STOX2: variants seen among roughly 807,000 people sequenced by gnomAD.
The protein encoded by STOX2 is storkhead box 2.
Under a neutral mutation model 60.9 loss-of-function variants are expected in STOX2, and 28 were observed. The ratio of observed to expected loss-of-function variants is 0.46; its 90% CI spans 0.34 to 0.63. The LOEUF is 0.63. Among genes scored for constraint, STOX2 ranks in the 30% least tolerant of loss-of-function variants. STOX2 has a pLI of 0.01. For missense variants in STOX2, 1,024 were observed against 1,187.7 expected, an observed-to-expected ratio of 0.86 and a Z score of 2.03; for synonymous variants, 472 against 463.9, an observed-to-expected ratio of 1.02 and a Z score of -0.22.
intron 1 of STOX2, among the ~76,000 whole-genome samples, chr4:183,949,229 A>G (rs150498301): frequency 1.6e-4 from 25 of 152,322 alleles, no homozygotes; most frequent in African/African-American, 6.0e-4. Context: ...AATGATCTCA[A>G]GTTGTAAACA....
intron 1 of STOX2, among the ~76,000 whole-genome samples, chr4:183,868,435 G>GA (rs563772840): frequency 9.5e-4 from 144 of 150,992 alleles, no homozygotes; most frequent in Non-Finnish European, 1.4e-3. Flanking sequence ...CTTTAAAAAA[G>GA]AAAAAAAAAT....
intron 1 of STOX2, among the ~76,000 whole-genome samples, chr4:183,887,667 C>T (rs539217823): frequency 1.3e-5 from 2 of 152,324 alleles, no homozygotes; most frequent in East Asian, 1.9e-4. Context: ...TTTTGGACTT[C>T]GCTCAAGGTT....
intron 1 of STOX2, among the ~76,000 whole-genome samples, chr4:183,811,928 ATTTTT>A (rs529589265): frequency 0.018 from 2,376 of 129,664 alleles, 61 homozygotes; most frequent in African/African-American, 0.06. Flanking sequence ...GAAAGCCTGG[ATTTTT>A]TTTTTTTTTT....
At chr4:183,930,521 T>G (rs1038953743) in intron 1 of STOX2, among the ~76,000 whole-genome samples, 14 of 150,370 alleles carry the variant, frequency 9.3e-5, no homozygotes, top group Admixed American at 2.7e-4. Flanking sequence ...TGTTTTTTGT[T>G]TTTTTTTTGT....
intron 1 of STOX2, among the ~76,000 whole-genome samples, chr4:183,946,403 A>G (rs183061704): frequency 5.3e-5 from 8 of 152,120 alleles, no homozygotes; most frequent in Non-Finnish European, 1.2e-4. Flanking sequence ...CTCGGTGTCC[A>G]TGAGGAGGGG....
At chr4:183,979,699 G>A (rs1732579490) in intron 1 of STOX2, among the ~76,000 whole-genome samples, 1 of 151,816 alleles carries the variant, frequency 6.6e-6, no homozygotes, top group South Asian at 2.1e-4. Context: ...AGTTCCATAC[G>A]ACACTATGAC....
In STOX2 at chr4:183,993,059, C is replaced by T. The variant is rs563214646; in HGVS notation, c.167-8266C>T. ...AAGTGTTAGTTGTTCCTATCAGAGA[C>T]GTCAGGAATCACCTCTGGCGGTGGG... On this transcript the variant is annotated intron_variant, in intron 1 of 3. Transcript: ENST00000308497. Among the ~76,000 whole-genome samples the T allele has an allele frequency of 7.2e-5, 11 of 152,330 alleles. No homozygotes were observed. In the South Asian group the frequency reaches 1.0e-3, roughly 14 times the overall value.
chr4:183,832,480 C>T (rs1207715996), intron 1 of STOX2, among the ~76,000 whole-genome samples: 2 of 142,834 alleles, frequency 1.4e-5, no homozygotes, highest in Non-Finnish European at 3.0e-5. Context: ...TAGCCTATAA[C>T]CGACTCTTTT....
intron 1 of STOX2, among the ~76,000 whole-genome samples, chr4:183,804,709 A>G (rs2111093902): frequency 6.6e-6 from 1 of 152,352 alleles, no homozygotes; most frequent in Non-Finnish European, 1.5e-5. Flanking sequence ...AGTGACTTCT[A>G]GCTAGTCATA....
At chr4:183,876,816 C>T (rs1297572886) in intron 1 of STOX2, among the ~76,000 whole-genome samples, 1 of 152,242 alleles carries the variant, frequency 6.6e-6, no homozygotes, top group Non-Finnish European at 1.5e-5. Context: ...GCCAAGCGGG[C>T]ATTCTATTCT....
intron 1 of STOX2, among the ~76,000 whole-genome samples, chr4:183,816,107 C>T (rs370868732): frequency 1.3e-4 from 20 of 152,224 alleles, no homozygotes; most frequent in African/African-American, 4.1e-4. Flanking sequence ...GAATAACCAG[C>T]GATTTCATGA....
At chr4:183,937,261 A>G (rs1579440000) in intron 1 of STOX2, among the ~76,000 whole-genome samples, 1 of 152,332 alleles carries the variant, frequency 6.6e-6, no homozygotes, top group Non-Finnish European at 1.5e-5. Flanking sequence ...AGCTGAGATA[A>G]CCTGTCATTT....
chr4:184,006,530 T>C (rs901719430), intron 2 of STOX2, among the ~76,000 whole-genome samples: 8 of 151,558 alleles, frequency 5.3e-5, no homozygotes, highest in Non-Finnish European at 8.8e-5. Flanking sequence ...GGGGGCAACA[T>C]GGAGAAACCC....
At chr4:183,841,874 A>T (rs1336786636) in intron 1 of STOX2, among the ~76,000 whole-genome samples, 2 of 152,238 alleles carry the variant, frequency 1.3e-5, no homozygotes, top group Non-Finnish European at 2.9e-5. Flanking sequence ...TAATTTTCCC[A>T]TAGAGTCATA....
Position 183,851,888 on chromosome 4 carries a change from G to A in STOX2, c.364+53833G>A, listed in dbSNP as rs200709435. On this transcript the variant is annotated intron_variant, in intron 1 of 2. Coordinates refer to the STOX2 transcript ENST00000513034. ...GAGAAAGGATGAGGGAAAGGATGAG[G>A]GAAAGGATGAGAGAAAGGATGAGGG... Among the ~76,000 whole-genome samples, 39 of 46,924 alleles carry A rather than the reference G, an allele frequency of 8.3e-4. 1 individual carries two copies. The highest frequency in any genetic ancestry group is 3.4e-3 in the African/African-American group (33 of 9,816). The allele number at this position is 46,924 out of a possible 152,430, so 30.8% of individuals were successfully genotyped here. A position where few individuals can be genotyped will look rare whatever the true frequency, so the allele number is the denominator to read the frequency against.
intron 1 of STOX2, among the ~76,000 whole-genome samples, chr4:183,886,841 T>C (rs749024998): frequency 2.0e-4 from 31 of 152,168 alleles, no homozygotes; most frequent in Non-Finnish European, 4.1e-4. Flanking sequence ...TCATCCTCCC[T>C]CCCACAGATG....
At position 183,932,017 on chromosome 4, in the gene STOX2, A is replaced by T. The variant is rs1487626308; in HGVS notation, c.166+25061A>T. 1.3e-5 allele frequency among the ~76,000 whole-genome samples: 2 copies of T among 152,220 alleles called. 1 individual carries two copies. The highest frequency in any genetic ancestry group is 4.8e-5 in the African/African-American group (2 of 41,548). ...CAGGCCTGGGAAGGAGACAGCGTGG[A>T]GCAGGTGATGATGGTGGAGAGGCTG... is the stretch of plus-strand genomic sequence containing the variant. On this transcript the variant is annotated intron_variant, in intron 1 of 3. Coordinates refer to ENST00000308497, the MANE Select transcript of STOX2 (RefSeq NM_020225.3).
chr4:183,900,139 C>T (rs1387449535), intron 1 of STOX2, among the ~76,000 whole-genome samples: 1 of 152,118 alleles, frequency 6.6e-6, no homozygotes, highest in Non-Finnish European at 1.5e-5. Context: ...AGACCTGCTG[C>T]TCAGAAAAAA....
rs149363146 is a variant in STOX2 at position 183,875,224 on chromosome 4, T to G, written c.364+77169T>G. Among the ~76,000 whole-genome samples the G allele has an allele frequency of 2.3e-3, 351 of 152,066 alleles. 1 individual carries two copies. The highest frequency in any genetic ancestry group is 8.3e-3 in the African/African-American group (343 of 41,494). Reference sequence around the variant, plus strand: ...TGGGGACTGTGGAGAAACTGAGTTCTAAATTTCTCTTCTTGTCTTTATTCT... The same window carrying G: ...TGGGGACTGTGGAGAAACTGAGTTCGAAATTTCTCTTCTTGTCTTTATTCT... On this transcript the variant is annotated intron_variant, in intron 1 of 2. Coordinates refer to the STOX2 transcript ENST00000513034.
Sources: gnomAD v4.1 joint callset for allele counts (sites outside exome capture counted in the v4.1 genomes callset) on GRCh38, gnomAD v4.1.1 for gene constraint, MANE v1.5 for transcripts, NCBI Gene and HGNC (gene_info 2026-07-23, HGNC 2026-07-21) for gene names.